The following DENND1A variants were observed in gnomAD, a reference collection of about 807,000 sequenced individuals.
The protein encoded by DENND1A is DENN domain-containing protein 1A.
Under a neutral mutation model 113.7 loss-of-function variants are expected in DENND1A, and 51 were observed. The ratio of observed to expected loss-of-function variants is 0.45; its 90% CI spans 0.36 to 0.57. DENND1A has a LOEUF of 0.57. Among genes scored for constraint, DENND1A ranks in the 20% least tolerant of loss-of-function variants. DENND1A has a pLI of 0.00. For synonymous variants in DENND1A, 565 were observed against 570.8 expected, an observed-to-expected ratio of 0.99 and a Z score of 0.14; for missense variants, 1,258 against 1,395.9, an observed-to-expected ratio of 0.90 and a Z score of 1.57.
At chr9:123,717,676 T>C (rs1175776651) in intron 5 of DENND1A, among the ~76,000 whole-genome samples, 1 of 152,198 alleles carries the variant, frequency 6.6e-6, no homozygotes, top group African/African-American at 2.4e-5. Context: ...ATGTAAGGCT[T>C]TTATATCTTG....
chr9:123,389,256 C>T (rs1237915497), intron 21 of DENND1A, among the ~76,000 whole-genome samples: 2 of 152,358 alleles, frequency 1.3e-5, no homozygotes, highest in East Asian at 3.9e-4. Context: ...CAGAGGCTGG[C>T]CAGGCAAAGA....
chr9:123,578,092 A>G (rs925829228), intron 12 of DENND1A, among the ~76,000 whole-genome samples: 3 of 152,192 alleles, frequency 2.0e-5, no homozygotes, highest in Non-Finnish European at 1.5e-5. Context: ...TTGTCAATTC[A>G]GGTTTCTGGA....
chr9:123,467,660 C>T (rs1275423967), intron 13 of DENND1A, among the ~76,000 whole-genome samples: 1 of 152,106 alleles, frequency 6.6e-6, no homozygotes. Context: ...CGTCTTGAAA[C>T]AAAACAAACA....
intron 5 of DENND1A, among the ~76,000 whole-genome samples, chr9:123,731,957 G>A (rs1053617213): frequency 1.3e-5 from 2 of 152,108 alleles, no homozygotes; most frequent in East Asian, 3.8e-4. Context: ...TGACAAATAA[G>A]CACGATATGC....
chr9:123,663,952 G>A (rs1479275354), intron 8 of DENND1A, among the ~76,000 whole-genome samples: 1 of 152,116 alleles, frequency 6.6e-6, no homozygotes, highest in African/African-American at 2.4e-5. Flanking sequence ...ATAGGAGCAG[G>A]GATCTAGTGC....
intron 5 of DENND1A, among the ~76,000 whole-genome samples, chr9:123,708,305 T>A (rs556552439): frequency 5.3e-5 from 8 of 152,176 alleles, no homozygotes; most frequent in Non-Finnish European, 1.0e-4. Flanking sequence ...TAGGAAAGAA[T>A]ATATGTAATA....
At chr9:123,817,492 G>A (rs1238040486) in intron 2 of DENND1A, among the ~76,000 whole-genome samples, 5 of 152,192 alleles carry the variant, frequency 3.3e-5, no homozygotes, top group Non-Finnish European at 5.9e-5. Context: ...ACATGCAAAT[G>A]AGTATTGCCC....
At chr9:123,424,080 A>G (rs994066421) in intron 19 of DENND1A, among the ~76,000 whole-genome samples, 1 of 151,996 alleles carries the variant, frequency 6.6e-6, no homozygotes, top group Non-Finnish European at 1.5e-5. Context: ...ACTCTGGGAG[A>G]GTATAAAAAG....
rs1433559139 is a variant in DENND1A, at chr9:123,438,489, A to T, written c.1488+1871T>A. Among the ~76,000 whole-genome samples, 3 of 152,222 alleles carry T rather than the reference A, an allele frequency of 2.0e-5. No homozygotes were observed. In the East Asian group the frequency reaches 5.8e-4, roughly 29 times the overall value. ...GTCACTTTGACAGCACGTCTCAATT[A>T]AGGCATCTCGCGGCTGTGGGTAGGC... On this transcript the variant is annotated intron_variant, in intron 19 of 23. Transcript: ENST00000394215.
At chr9:123,763,310 G>C (rs1003403778) in intron 4 of DENND1A, among the ~76,000 whole-genome samples, 2 of 152,092 alleles carry the variant, frequency 1.3e-5, no homozygotes, top group Non-Finnish European at 1.5e-5. Context: ...GAGATGGAGA[G>C]GGATGGATAG....
At chr9:123,723,945 C>T (rs2067516482) in intron 5 of DENND1A, among the ~76,000 whole-genome samples, 1 of 152,184 alleles carries the variant, frequency 6.6e-6, no homozygotes, top group Non-Finnish European at 1.5e-5. Flanking sequence ...TAGTATAATG[C>T]AGTAGATGTT....
At position 123,414,355 on chromosome 9, in the gene DENND1A, C is replaced by G. The variant is rs150930038; in HGVS notation, c.1489-2526G>C. 1.2e-3 allele frequency: 1,693 copies of G among 1,419,834 alleles called. 18 individuals are homozygous for G. The African/African-American group carries it at 0.021, about 18-fold the overall frequency. 88.0% of individuals were successfully genotyped at this position (1,419,834 alleles called of 1,614,324 possible). A position where few individuals can be genotyped will look rare whatever the true frequency, so the allele number is the denominator to read the frequency against. On this transcript the variant is annotated intron_variant, in intron 19 of 23. Transcript: ENST00000394215. Reference sequence around the variant, plus strand: ...GTTTCCCTGCCTCCAGCCTCTCCCCCTCCCAGTCCATCGCCTACATTTGTT... The same window carrying G: ...GTTTCCCTGCCTCCAGCCTCTCCCCGTCCCAGTCCATCGCCTACATTTGTT...
intron 1 of DENND1A, among the ~76,000 whole-genome samples, chr9:123,899,406 T>C (rs1851256109): frequency 6.6e-6 from 1 of 152,174 alleles, no homozygotes. Context: ...ATTTAATGGT[T>C]CTCTAACTAC....
chr9:123,828,953 G>A (rs948440599), intron 2 of DENND1A, among the ~76,000 whole-genome samples: 1 of 152,096 alleles, frequency 6.6e-6, no homozygotes, highest in Admixed American at 6.5e-5. Context: ...GAACAGTATA[G>A]AGACCACAGA....
At position 123,819,931 on chromosome 9, in the gene DENND1A, T is replaced by G. The variant is rs139919226; in HGVS notation, c.89-27301A>C. 1.7e-4 allele frequency among the ~76,000 whole-genome samples: 26 copies of G among 152,322 alleles called. No homozygotes were observed. The East Asian group carries it at 5.0e-3, about 29-fold the overall frequency. On this transcript the variant is annotated intron_variant, in intron 2 of 23. Transcript: ENST00000394215. ...ATTATTCTAAATTGAAACTTAAAATTTTAAGAAATAAATGCATATCAATCA... is the reference window on the plus strand; with the variant it reads ...ATTATTCTAAATTGAAACTTAAAATGTTAAGAAATAAATGCATATCAATCA...
At position 123,402,152 on chromosome 9, in the gene DENND1A, G is replaced by A. The variant is rs994155574; in HGVS notation, c.1631+1250C>T. ...CCTCATGTTCCCACCAGGCTATTGT[G>A]CAGAGCAAAAGTTAAACTTAACCCA... On this transcript the variant is annotated intron_variant, in intron 21 of 23. Coordinates refer to ENST00000394215, the MANE Select transcript of DENND1A (RefSeq NM_001352964.2). Among the ~76,000 whole-genome samples, 9 of 152,198 alleles carry A rather than the reference G, an allele frequency of 5.9e-5. 1 individual carries two copies. The highest frequency in any genetic ancestry group is 1.5e-5 in the Non-Finnish European group (1 of 68,040).
intron 13 of DENND1A, among the ~76,000 whole-genome samples, chr9:123,507,411 ACT>A (rs1159195493): frequency 6.6e-6 from 1 of 152,236 alleles, no homozygotes. Context: ...CTTTATAATC[ACT>A]GAGGCTAACA....
chr9:123,487,472 C>T (rs1246765028), intron 13 of DENND1A, among the ~76,000 whole-genome samples: 1 of 152,174 alleles, frequency 6.6e-6, no homozygotes, highest in Non-Finnish European at 1.5e-5. Flanking sequence ...TGGTTTTCTC[C>T]CTGAACCATG....
intron 13 of DENND1A, among the ~76,000 whole-genome samples, chr9:123,481,978 A>G (rs1402291478): frequency 6.7e-6 from 1 of 149,254 alleles, no homozygotes. Context: ...TTTCTTTTGT[A>G]TTTTTAGTAG....
Sources: gnomAD v4.1 joint callset for allele counts (sites outside exome capture counted in the v4.1 genomes callset) on GRCh38, gnomAD v4.1.1 for gene constraint, MANE v1.5 for transcripts, NCBI Gene and HGNC (gene_info 2026-07-23, HGNC 2026-07-21) for gene names.